The following MMS19 variants were observed in gnomAD, a reference collection of about 807,000 sequenced individuals.
The protein encoded by MMS19 is MMS19 nucleotide excision repair protein homolog.
MMS19 carries 77 observed loss-of-function variants against 129.8 expected under a neutral mutation model. That is an observed-to-expected ratio of 0.59 (90% confidence interval 0.49 to 0.72). The LOEUF is 0.72. Among genes scored for constraint, MMS19 ranks in the 30% least tolerant of loss-of-function variants. The pLI is 0.00. For missense variants in MMS19, 1,168 were observed against 1,266.3 expected (o/e 0.92, Z 1.18); for synonymous variants, 491 against 502.8 (o/e 0.98, Z 0.31).
rs770611227 is a variant in MMS19 at position 97,458,907 on chromosome 10, AG to A, written c.2965-8del. ...GTGGTTTGTACGGCAGCAGCTGTGG[AG>A]TCAGAGGATATAATCAACCTTGCTC... is the stretch of plus-strand genomic sequence containing the variant. On this transcript the variant is annotated splice_polypyrimidine_tract_variant and splice_region_variant and intron_variant, in intron 29 of 30. Transcript: ENST00000438925. 3 of 1,613,808 alleles carry A rather than the reference AG, an allele frequency of 1.9e-6. No homozygotes were observed. The East Asian group carries it at 6.7e-5, about 36-fold the overall frequency.
rs1168569571 is a variant in MMS19, at chr10:97,468,991, G to A, written c.1038C>T (p.Asp346=). ...CCTGTAGAATGTTGCTAAGGAAGGA[G>A]TCAAGGAGGTCCTCAGCATCAGCCC... is the stretch of plus-strand genomic sequence containing the variant. The part of the protein sequence containing the change: ...VLRADAEDLL[D]SFLSNILQDC... The change falls in exon 12 of 31, where the codon GAC becomes GAT. Residue 346 remains aspartate (D), a synonymous_variant. Transcript: ENST00000438925. The A allele has an allele frequency of 1.3e-6, 2 of 1,588,716 alleles. No homozygotes were observed.
intron 8 of MMS19, among the ~76,000 whole-genome samples, chr10:97,473,719 T>C (rs1224079094): frequency 6.6e-6 from 1 of 152,094 alleles, no homozygotes; most frequent in Non-Finnish European, 1.5e-5. Flanking sequence ...AATTCAAAGT[T>C]TAGTGTTGAT....
At chr10:97,481,886 T>C (rs915045863) in intron 2 of MMS19, among the ~76,000 whole-genome samples, 1 of 152,176 alleles carries the variant, frequency 6.6e-6, no homozygotes, top group Non-Finnish European at 1.5e-5. Context: ...AGTAGAAAAC[T>C]GTGCATTCAG....
At chr10:97,498,586 CT>C, upstream of MMS19, 1 of 609,042 alleles carries the variant, frequency 1.6e-6, no homozygotes, top group African/African-American at 1.9e-5. Flanking sequence ...AAGGCGGCTG[CT>C]GGGCACGCAG....
intron 1 of MMS19, among the ~76,000 whole-genome samples, chr10:97,486,861 C>CTATATATATATATATATATATATA (rs1564694696): frequency 6.4e-5 from 1 of 15,596 alleles, no homozygotes; most frequent in African/African-American, 1.4e-4. Context: ...AATTAAAGTG[C>CTATATATATATATATATATATATA]CATATATATA....
At chr10:97,478,219 G>T in intron 4 of MMS19, 85 bp downstream of exon 4, 3 of 1,095,872 alleles carry the variant, frequency 2.7e-6, no homozygotes, top group South Asian at 1.4e-5. Flanking sequence ...CTCAGCATGT[G>T]AACCATCACA....
At chr10:97,478,898 T>C (rs962828014) in intron 3 of MMS19, among the ~76,000 whole-genome samples, 1 of 152,174 alleles carries the variant, frequency 6.6e-6, no homozygotes, top group Non-Finnish European at 1.5e-5. Flanking sequence ...TAGATGATAT[T>C]ATACTAAACA....
chr10:97,494,203 A>G (rs547498602), intron 1 of MMS19, among the ~76,000 whole-genome samples: 2 of 152,364 alleles, frequency 1.3e-5, no homozygotes, highest in Admixed American at 1.3e-4. Context: ...AAGATTTTCC[A>G]ACACGTTCAA....
chr10:97,460,256 G>A, intron 25 of MMS19, 24 bp from the exon 26 acceptor site: 2 of 1,600,624 alleles, frequency 1.2e-6, no homozygotes, highest in Non-Finnish European at 1.7e-6. Context: ...AGCCTTTGAG[G>A]TACATCAGGG....
chr10:97,488,676 G>GA (rs1159807535), intron 1 of MMS19, among the ~76,000 whole-genome samples: 1 of 152,192 alleles, frequency 6.6e-6, no homozygotes, highest in African/African-American at 2.4e-5. Context: ...ATAATGACAG[G>GA]AAAAAAGTCT....
chr10:97,495,526 T>C (rs150205092), intron 1 of MMS19, among the ~76,000 whole-genome samples: 1 of 152,338 alleles, frequency 6.6e-6, no homozygotes, highest in African/African-American at 2.4e-5. Flanking sequence ...GCACATCTTA[T>C]TCTATAAACG....
intron 22 of MMS19, 45 bp from the exon 23 acceptor site, chr10:97,461,667 C>T: frequency 1.3e-6 from 2 of 1,583,732 alleles, no homozygotes; most frequent in Non-Finnish European, 1.7e-6. Flanking sequence ...AACACTTGAA[C>T]TCCAAGAGAA....
chr10:97,498,669 C>A, upstream of MMS19: 1 of 450,708 alleles, frequency 2.2e-6, no homozygotes. Context: ...GGGCACCTGG[C>A]TGGGTGGGGA....
chr10:97,465,780 G>A (rs747703335), intron 18 of MMS19, 25 bp downstream of exon 18: 30 of 1,603,446 alleles, frequency 1.9e-5, no homozygotes, highest in East Asian at 8.9e-5. Context: ...AGCCCAGTCC[G>A]TTGGTGGTTA....
intron 1 of MMS19, among the ~76,000 whole-genome samples, chr10:97,489,194 GATA>G (rs2135526502): frequency 6.6e-6 from 1 of 152,266 alleles, no homozygotes; most frequent in Non-Finnish European, 1.5e-5. Flanking sequence ...CATATATACT[GATA>G]ATGAGTCAAG....
At chr10:97,471,667 C>A (rs910372752) in intron 8 of MMS19, among the ~76,000 whole-genome samples, 2 of 152,052 alleles carry the variant, frequency 1.3e-5, no homozygotes, top group African/African-American at 4.8e-5. Context: ...CACCAACACA[C>A]CTGGCTAATT....
At chr10:97,466,689 G>A in intron 15 of MMS19, 87 bp downstream of exon 15, 1 of 1,597,092 alleles carries the variant, frequency 6.3e-7, no homozygotes, top group Non-Finnish European at 8.6e-7. Context: ...GTTGCAGTAA[G>A]AAGAGGATAG....
chr10:97,470,075 G>A, intron 10 of MMS19, 54 bp downstream of exon 10: 1 of 1,172,086 alleles, frequency 8.5e-7, no homozygotes. Context: ...TATCCTTTAG[G>A]ACCCCTAACT....
At position 97,461,531 on chromosome 10, in the gene MMS19, T is replaced by C; in HGVS notation, c.2276A>G (p.Lys759Arg). 1.2e-6 allele frequency: 2 copies of C among 1,605,844 alleles called. No homozygotes were observed. The highest frequency in any genetic ancestry group is 8.5e-7 in the Non-Finnish European group (1 of 1,176,210). Residue 759 changes from lysine to arginine, a missense_variant, in exon 23 of 31, where the codon AAG becomes AGG. Lys to Arg is a conservative substitution (Grantham distance 26). Around this residue, in one of 3 missense-constraint regions of MMS19, gnomAD observed 831 missense variants for 910.8 expected, o/e 0.91. Transcript: ENST00000438925. The stretch of plus-strand genomic sequence containing the variant: ...CTTGTTGAGGAGTCCTGCAAAGCAC[T>C]TGGCAGCAGCGGTGGAAGAAAAGGG... Reference protein sequence around the residue: ...SCPFSSTAAAKCFAGLLNKHP... With the variant: ...SCPFSSTAAARCFAGLLNKHP...
Sources: gnomAD v4.1 joint callset for allele counts (sites outside exome capture counted in the v4.1 genomes callset) on GRCh38, gnomAD v4.1.1 for gene constraint, gnomAD v4.1.1 regional missense constraint, MANE v1.5 for transcripts, NCBI Gene and HGNC (gene_info 2026-07-23, HGNC 2026-07-21) for gene names.